IQCK: variants seen among roughly 807,000 people sequenced by gnomAD.
The protein encoded by IQCK is IQ domain-containing protein K.
A neutral mutation model predicts 28.1 loss-of-function variants in IQCK; 29 were observed. That is an observed-to-expected ratio of 1.03 (90% CI 0.77 to 1.41). The LOEUF is 1.41. Ranked by LOEUF, IQCK falls within the 40% of genes most tolerant of loss-of-function variation. The pLI, the probability that IQCK is intolerant of heterozygous loss-of-function variation, is 0.00. For synonymous variants in IQCK, 113 were observed against 115.1 expected (o/e 0.98, Z 0.12); for missense variants, 359 against 314.7 (o/e 1.14, Z -1.07).
chr16:19,813,397 C>T (rs183006550), intron 7 of IQCK, among the ~76,000 whole-genome samples: 36 of 152,128 alleles, frequency 2.4e-4, no homozygotes, highest in Admixed American at 2.1e-3. Context: ...TGAAACTATG[C>T]AAAGAAGAAG....
chr16:19,753,121 C>T (rs568847942), intron 4 of IQCK, among the ~76,000 whole-genome samples: 1 of 151,866 alleles, frequency 6.6e-6, no homozygotes, highest in Non-Finnish European at 1.5e-5. Context: ...GGTCAATTGT[C>T]TGAGTAATTT....
intron 6 of IQCK, among the ~76,000 whole-genome samples, chr16:19,767,435 A>G (rs1348465401): frequency 6.6e-6 from 1 of 152,042 alleles, no homozygotes; most frequent in African/African-American, 2.4e-5. Flanking sequence ...GGTTTTTCCC[A>G]TGGAGTTGGG....
chr16:19,823,942 AT>A (rs199676806), intron 7 of IQCK, among the ~76,000 whole-genome samples: 11 of 149,628 alleles, frequency 7.4e-5, no homozygotes, highest in Admixed American at 2.0e-4. Context: ...TAAAAAATAA[AT>A]AAATAAATAA....
In IQCK at chr16:19,856,450, T is replaced by C. The variant is rs759891035; in HGVS notation, c.803-37T>C. 1.5e-5 allele frequency: 23 copies of C among 1,585,488 alleles called. No homozygotes were observed. In the Admixed American group the frequency reaches 3.2e-4, roughly 22 times the overall value. On this transcript the variant is annotated intron_variant, in intron 9 of 9. Coordinates refer to the IQCK transcript ENST00000320394. ...CCAATGACAAGCCTGTCTACGTATG[T>C]AAATTGATCCTGACTTTCCCTTTCT...
intron 4 of IQCK, chr16:19,736,229 A>G (rs1978011181): frequency 2.2e-6 from 1 of 448,918 alleles, no homozygotes; most frequent in Non-Finnish European, 4.4e-6. Flanking sequence ...ATCACACTGC[A>G]GAGAATCAGC....
At chr16:19,858,211 T>C (rs918187171) in exon 10 of IQCK, 4 of 333,042 alleles carry the variant, frequency 1.2e-5, no homozygotes, top group Non-Finnish European at 1.6e-5. Context: ...GCTCTCTCCC[T>C]TCTCCTCTCA....
intron 3 of IQCK, 130 bp from the exon 4 acceptor site, chr16:19,735,223 C>A: frequency 4.5e-6 from 3 of 664,690 alleles, no homozygotes; most frequent in African/African-American, 1.8e-5. Context: ...TAGTCTGGAG[C>A]AAAATATAAC....
chr16:19,735,084 C>A (rs1977968992), intron 3 of IQCK, among the ~76,000 whole-genome samples: 1 of 152,168 alleles, frequency 6.6e-6, no homozygotes, highest in African/African-American at 2.4e-5. Context: ...GGGCCCCTTG[C>A]TATTCCTGCT....
Position 19,799,141 on chromosome 16 carries a change from G to A in IQCK, c.690+10219G>A, listed in dbSNP as rs914478900. On this transcript the variant is annotated intron_variant, in intron 7 of 7. Transcript: ENST00000564186. ...TTTTTAAAACATTTTTTACAAAATT[G>A]CAATTATAAACACTTTTTTAAGCCT... is the stretch of plus-strand genomic sequence containing the variant. Among the ~76,000 whole-genome samples the A allele has an allele frequency of 2.3e-4, 26 of 115,152 alleles. 3 individuals carry two copies. The highest frequency in any genetic ancestry group is 7.8e-5 in the Admixed American group (1 of 12,886). The allele number at this position is 115,152 out of a possible 152,430, so 75.5% of individuals were successfully genotyped here. A position where few individuals can be genotyped will look rare whatever the true frequency, so the allele number is the denominator to read the frequency against.
intron 9 of IQCK, among the ~76,000 whole-genome samples, chr16:19,834,114 G>T (rs1218464986): frequency 6.6e-6 from 1 of 152,070 alleles, no homozygotes; most frequent in Non-Finnish European, 1.5e-5. Flanking sequence ...AAGATATGCT[G>T]GAACTTAGTT....
At chr16:19,818,718 A>C (rs1192418350) in intron 7 of IQCK, among the ~76,000 whole-genome samples, 5 of 152,098 alleles carry the variant, frequency 3.3e-5, no homozygotes, top group Non-Finnish European at 7.4e-5. Flanking sequence ...TTAGAGATAA[A>C]TTGTGTATTT....
At chr16:19,720,768 G>C (rs892737243) in intron 1 of IQCK, among the ~76,000 whole-genome samples, 2 of 152,184 alleles carry the variant, frequency 1.3e-5, no homozygotes, top group African/African-American at 4.8e-5. Context: ...TGTAATCCCA[G>C]CACTTTGGGA....
At chr16:19,847,217 C>A (rs745755320) in intron 9 of IQCK, among the ~76,000 whole-genome samples, 1 of 152,176 alleles carries the variant, frequency 6.6e-6, no homozygotes, top group African/African-American at 2.4e-5. Context: ...CTGATTAATT[C>A]TATGATATTG....
chr16:19,738,638 C>G (rs1233645388), intron 4 of IQCK, among the ~76,000 whole-genome samples: 3 of 152,152 alleles, frequency 2.0e-5, no homozygotes, highest in African/African-American at 4.8e-5. Flanking sequence ...GATTATTATG[C>G]CGATGAAATG....
chr16:19,842,912 G>C (rs947201364), intron 9 of IQCK, among the ~76,000 whole-genome samples: 2 of 152,194 alleles, frequency 1.3e-5, no homozygotes, highest in East Asian at 1.9e-4. Context: ...TCTCAGATGA[G>C]ATAATGTATG....
chr16:19,730,572 A>G (rs1977801876), intron 2 of IQCK, 78 bp downstream of exon 2: 1 of 1,127,084 alleles, frequency 8.9e-7, no homozygotes. Context: ...AATGTCACAC[A>G]GTGTCACTGA....
At chr16:19,742,461 TC>T (rs2054851576) in intron 4 of IQCK, among the ~76,000 whole-genome samples, 1 of 151,542 alleles carries the variant, frequency 6.6e-6, no homozygotes, top group Admixed American at 6.6e-5. Context: ...ACTCCCCTTA[TC>T]CTGATCTGCA....
chr16:19,786,425 C>T (rs145242575), intron 6 of IQCK, among the ~76,000 whole-genome samples: 1,986 of 148,116 alleles, frequency 0.013, 47 homozygotes, highest in African/African-American at 0.048. Flanking sequence ...AGGCTGTGCA[C>T]GGTGGCTCAT....
At chr16:19,726,366 A>G (rs187931167) in intron 1 of IQCK, among the ~76,000 whole-genome samples, 95 of 152,338 alleles carry the variant, frequency 6.2e-4, no homozygotes, top group African/African-American at 2.2e-3. Context: ...CAGTGTCACT[A>G]TTGGGAGTAC....
Sources: allele counts gnomAD v4.1 joint callset (sites outside exome capture counted in the v4.1 genomes callset), GRCh38; gene constraint gnomAD v4.1.1; transcripts MANE v1.5; gene names NCBI Gene and HGNC (gene_info 2026-07-23, HGNC 2026-07-21).